The following ZNF83 variants were observed in gnomAD, a reference collection of about 807,000 sequenced individuals.
ZNF83 encodes zinc finger protein 83.
For missense variants in ZNF83, 552 were observed against 629.9 expected, an observed-to-expected ratio of 0.88 and a Z score of 1.32; for synonymous variants, 209 against 213.0, an observed-to-expected ratio of 0.98 and a Z score of 0.17.
intron 2 of ZNF83, among the ~76,000 whole-genome samples, chr19:52,626,405 A>T (rs1022836602): frequency 1.3e-5 from 2 of 152,204 alleles, no homozygotes; most frequent in Non-Finnish European, 2.9e-5. Flanking sequence ...GTTTTTACGT[A>T]AATCAGTCTG....
At chr19:52,654,386 T>G in intron 3 of ZNF83, 2 of 1,164,158 alleles carry the variant, frequency 1.7e-6, no homozygotes, top group Non-Finnish European at 2.4e-6. Flanking sequence ...AACTCCGTCA[T>G]GGATTTTAAA....
At chr19:52,622,372 G>A (rs746057361) in intron 2 of ZNF83, among the ~76,000 whole-genome samples, 1 of 152,098 alleles carries the variant, frequency 6.6e-6, no homozygotes, top group Non-Finnish European at 1.5e-5. Flanking sequence ...TTAACCTGGA[G>A]TGACTTAAAT....
chr19:52,647,525 C>G (rs2061387834), intron 3 of ZNF83, among the ~76,000 whole-genome samples: 1 of 151,938 alleles, frequency 6.6e-6, no homozygotes, highest in South Asian at 2.1e-4. Context: ...CAGGCAATCC[C>G]CTTGCCTCAG....
chr19:52,618,345 C>T (rs144505279), intron 2 of ZNF83, among the ~76,000 whole-genome samples: 255 of 151,992 alleles, frequency 1.7e-3, no homozygotes, highest in Non-Finnish European at 2.0e-3. Context: ...CTGCAAGCTC[C>T]GTCCCCTGGG....
intron 1 of ZNF83, among the ~76,000 whole-genome samples, chr19:52,686,163 T>C (rs2062011696): frequency 2.0e-5 from 3 of 152,124 alleles, no homozygotes; most frequent in African/African-American, 7.2e-5. Flanking sequence ...ACAATCAAAC[T>C]TCTGTATGAG....
intron 1 of ZNF83, among the ~76,000 whole-genome samples, chr19:52,675,246 T>C: frequency 6.6e-6 from 1 of 152,178 alleles, no homozygotes; most frequent in Non-Finnish European, 1.5e-5. Flanking sequence ...CCCACAGTGT[T>C]CATGTACTTC....
chr19:52,649,975 AG>A (rs948523307), intron 3 of ZNF83, among the ~76,000 whole-genome samples: 1 of 152,138 alleles, frequency 6.6e-6, no homozygotes, highest in African/African-American at 2.4e-5. Context: ...GATATGAGAC[AG>A]GGGGGCCACA....
upstream of ZNF83, among the ~76,000 whole-genome samples, chr19:52,641,698 T>C (rs1045226679): frequency 1.3e-5 from 2 of 152,204 alleles, no homozygotes; most frequent in Non-Finnish European, 2.9e-5. Flanking sequence ...ATTCTTTTTT[T>C]TCTGTGTTCA....
intron 2 of ZNF83, among the ~76,000 whole-genome samples, chr19:52,630,338 T>C (rs2147154641): frequency 6.6e-6 from 1 of 152,302 alleles, no homozygotes; most frequent in South Asian, 2.1e-4. Context: ...GTCCCCTTCT[T>C]AATCAATACG....
intron 1 of ZNF83, among the ~76,000 whole-genome samples, chr19:52,686,513 A>G (rs79156299): frequency 6.6e-6 from 1 of 151,124 alleles, no homozygotes; most frequent in African/African-American, 2.4e-5. Flanking sequence ...GAAAAAAAAA[A>G]AGAAATCTAT....
chr19:52,640,172 A>G (rs569707415), upstream of ZNF83, among the ~76,000 whole-genome samples: 1 of 152,332 alleles, frequency 6.6e-6, no homozygotes, highest in East Asian at 1.9e-4. Flanking sequence ...GGCGCCTACA[A>G]TCCGACAGAA....
At chr19:52,683,661 C>T (rs1457745465) in intron 1 of ZNF83, among the ~76,000 whole-genome samples, 1 of 152,188 alleles carries the variant, frequency 6.6e-6, no homozygotes, top group African/African-American at 2.4e-5. Context: ...GCTGAAGATG[C>T]AGGGTCTGGT....
intron 1 of ZNF83, among the ~76,000 whole-genome samples, chr19:52,673,472 C>G (rs1001626024): frequency 1.3e-5 from 2 of 151,742 alleles, no homozygotes; most frequent in African/African-American, 4.8e-5. Flanking sequence ...CACTACACTC[C>G]AGGGTACACA....
intron 1 of ZNF83, among the ~76,000 whole-genome samples, chr19:52,682,046 C>T (rs540152669): frequency 7.2e-5 from 11 of 152,200 alleles, no homozygotes; most frequent in African/African-American, 2.4e-4. Flanking sequence ...CGAGGTTTCA[C>T]CATCTTGGCC....
At chr19:52,673,292 G>C (rs151067246) in intron 1 of ZNF83, among the ~76,000 whole-genome samples, 2 of 152,290 alleles carry the variant, frequency 1.3e-5, no homozygotes, top group East Asian at 3.9e-4. Context: ...ATCCCCTGAG[G>C]TCAAGAGTTC....
intron 1 of ZNF83, among the ~76,000 whole-genome samples, chr19:52,674,997 A>C (rs2061779493): frequency 6.6e-6 from 1 of 152,198 alleles, no homozygotes; most frequent in African/African-American, 2.4e-5. Flanking sequence ...CTGGGATTAC[A>C]GGCATGAGCC....
intron 3 of ZNF83, chr19:52,650,654 T>G (rs1271152518): frequency 1.3e-5 from 2 of 152,196 alleles, no homozygotes; most frequent in East Asian, 3.8e-4. Context: ...CTTCAAGTTT[T>G]AGGAGTCAAA....
At chr19:52,620,730 G>A (rs1483980383) in intron 2 of ZNF83, among the ~76,000 whole-genome samples, 2 of 152,228 alleles carry the variant, frequency 1.3e-5, no homozygotes, top group Non-Finnish European at 2.9e-5. Flanking sequence ...CAGATGGTCT[G>A]AGGCAAGCGA....
chr19:52,674,871 T>A (rs1280991351), intron 1 of ZNF83, among the ~76,000 whole-genome samples: 1 of 152,158 alleles, frequency 6.6e-6, no homozygotes, highest in African/African-American at 2.4e-5. Context: ...CAAATCCCTA[T>A]CAGTTTTTGT....
Sources: allele counts gnomAD v4.1 joint callset (sites outside exome capture counted in the v4.1 genomes callset), GRCh38; gene constraint gnomAD v4.1.1; transcripts MANE v1.5; gene names NCBI Gene and HGNC (gene_info 2026-07-23, HGNC 2026-07-21).